Variants in C13orf42 observed in about 807,000 individuals in gnomAD.
The protein encoded by C13orf42 is chromosome 13 open reading frame 42, also known as uncharacterized protein C13orf42.
intron 1 of C13orf42, among the ~76,000 whole-genome samples, chr13:51,097,065 G>A (rs1418992961): frequency 6.6e-6 from 1 of 152,094 alleles, no homozygotes; most frequent in East Asian, 1.9e-4. Context: ...TTCACTCAAC[G>A]TATCCTGAGG....
chr13:51,089,401 G>A (rs1319393085), intron 1 of C13orf42, among the ~76,000 whole-genome samples: 1 of 152,116 alleles, frequency 6.6e-6, no homozygotes, highest in Non-Finnish European at 1.5e-5. Context: ...ATCCCCACAT[G>A]TCGAGGGAGA....
At chr13:51,096,922 C>T (rs1953240325) in intron 1 of C13orf42, among the ~76,000 whole-genome samples, 1 of 152,200 alleles carries the variant, frequency 6.6e-6, no homozygotes, top group African/African-American at 2.4e-5. Flanking sequence ...CTCCTCATTT[C>T]CTCTATCTTT....
intron 1 of C13orf42, among the ~76,000 whole-genome samples, chr13:51,148,482 G>T (rs971129398): frequency 1.3e-5 from 2 of 152,238 alleles, no homozygotes; most frequent in African/African-American, 4.8e-5. Flanking sequence ...GCCCCACAGG[G>T]AGGTGACATT....
At chr13:51,113,566 TTG>T (rs3990095), upstream of C13orf42, among the ~76,000 whole-genome samples, 54,205 of 147,864 alleles carry the variant, frequency 0.37, 10,078 homozygotes, top group African/African-American at 0.48. Flanking sequence ...AAAGTGTATT[TTG>T]TGTGTGTGTG....
intron 1 of C13orf42, among the ~76,000 whole-genome samples, chr13:51,146,368 T>C (rs7981792): frequency 0.014 from 2,111 of 152,220 alleles, 49 homozygotes; most frequent in African/African-American, 0.043. Flanking sequence ...ACAAGCCTGT[T>C]GTGTCCCCTG....
intron 1 of C13orf42, among the ~76,000 whole-genome samples, chr13:51,159,996 C>T (rs1953852226): frequency 6.6e-6 from 1 of 152,174 alleles, no homozygotes; most frequent in African/African-American, 2.4e-5. Context: ...CCCTGATAAA[C>T]CCATCAGATC....
intron 1 of C13orf42, among the ~76,000 whole-genome samples, chr13:51,152,303 G>A (rs1398063096): frequency 6.6e-6 from 1 of 152,136 alleles, no homozygotes; most frequent in African/African-American, 2.4e-5. Flanking sequence ...CATTTAGCAG[G>A]CTTTATTTTA....
At chr13:51,166,544 GTAAC>G (rs1213516881) in intron 1 of C13orf42, among the ~76,000 whole-genome samples, 1 of 147,426 alleles carries the variant, frequency 6.8e-6, no homozygotes, top group Non-Finnish European at 1.5e-5. Flanking sequence ...GTATACATAT[GTAAC>G]TAACCTGCAC....
chr13:51,106,992 C>T (rs1441519398), intron 1 of C13orf42, among the ~76,000 whole-genome samples: 1 of 152,182 alleles, frequency 6.6e-6, no homozygotes, highest in South Asian at 2.1e-4. Flanking sequence ...ATGACCTATT[C>T]TGAGGGAGGA....
chr13:51,147,532 C>A (rs1011752210), intron 1 of C13orf42, among the ~76,000 whole-genome samples: 1 of 152,142 alleles, frequency 6.6e-6, no homozygotes, highest in African/African-American at 2.4e-5. Flanking sequence ...GAGTTCGAGA[C>A]GAGCCTGGCC....
chr13:51,097,675 G>C (rs1457912665), intron 1 of C13orf42, among the ~76,000 whole-genome samples: 2 of 152,048 alleles, frequency 1.3e-5, no homozygotes, highest in African/African-American at 4.8e-5. Flanking sequence ...ATACCCCTAG[G>C]TGAAACCCAA....
intron 1 of C13orf42, among the ~76,000 whole-genome samples, chr13:51,168,022 A>G (rs1953915632): frequency 6.6e-6 from 1 of 152,218 alleles, no homozygotes; most frequent in Admixed American, 6.5e-5. Flanking sequence ...TGTGGGCTCT[A>G]AGCCCTCAGT....
At chr13:51,153,630 CTTT>C (rs1206289963) in intron 1 of C13orf42, among the ~76,000 whole-genome samples, 59 of 81,230 alleles carry the variant, frequency 7.3e-4, no homozygotes, top group Non-Finnish European at 1.3e-3. Flanking sequence ...TGTTTTTTTT[CTTT>C]TTTTTTTTTT....
chr13:51,153,630 C>CTTTTTTTTTTTTTTTTTTTTTTTTT (rs1206289963), intron 1 of C13orf42, among the ~76,000 whole-genome samples: 18 of 81,248 alleles, frequency 2.2e-4, no homozygotes, highest in East Asian at 3.8e-4. Context: ...TGTTTTTTTT[C>CTTTTTTTTTTTTTTTTTTTTTTTTT]TTTTTTTTTT....
intron 1 of C13orf42, among the ~76,000 whole-genome samples, chr13:51,109,431 C>G (rs1044951419): frequency 1.3e-5 from 2 of 152,088 alleles, no homozygotes; most frequent in African/African-American, 4.8e-5. Flanking sequence ...AACAAAACAG[C>G]CTTAACCTAC....
chr13:51,138,529 T>C (rs7327944), intron 1 of C13orf42, among the ~76,000 whole-genome samples: 91,451 of 151,650 alleles, frequency 0.6, 28,116 homozygotes, highest in African/African-American at 0.72. Context: ...CCACCTCACA[T>C]CTCTCAGGAT....
At chr13:51,131,614 C>T (rs567318568) in intron 1 of C13orf42, among the ~76,000 whole-genome samples, 11 of 152,266 alleles carry the variant, frequency 7.2e-5, no homozygotes, top group East Asian at 5.8e-4. Context: ...ATCCATGGCT[C>T]GGCTCTAAAA....
chr13:51,101,905 GGA>G (rs1953296956), intron 1 of C13orf42, among the ~76,000 whole-genome samples: 1 of 152,010 alleles, frequency 6.6e-6, no homozygotes, highest in African/African-American at 2.4e-5. Context: ...GTGGTGTGGG[GGA>G]GAGAAAAAAG....
At chr13:51,170,735 G>A (rs1290145993) in intron 1 of C13orf42, among the ~76,000 whole-genome samples, 10 of 152,104 alleles carry the variant, frequency 6.6e-5, no homozygotes, top group Non-Finnish European at 1.5e-4. Context: ...GTCAGACCAC[G>A]CAGGGACGCC....
Sources: allele counts gnomAD v4.1 joint callset (sites outside exome capture counted in the v4.1 genomes callset), GRCh38; gene constraint gnomAD v4.1.1; transcripts MANE v1.5; gene names NCBI Gene and HGNC (gene_info 2026-07-23, HGNC 2026-07-21).